The following PAK3 variants were observed in gnomAD, a reference collection of about 807,000 sequenced individuals.
PAK3 encodes p21 (RAC1) activated kinase 3, also known as serine/threonine-protein kinase PAK 3.
PAK3 carries 4 observed loss-of-function variants against 41.0 expected under a neutral mutation model. The observed-to-expected ratio is 0.10, with a 90% CI of 0.05 to 0.22. The LOEUF (loss-of-function observed/expected upper bound fraction) is 0.22, where lower values mean the gene tolerates loss of function less well. Among genes scored for constraint, PAK3 ranks in the 10% least tolerant of loss-of-function variants. The probability of loss-of-function intolerance (pLI) is 1.00; values close to 1 mark genes in which losing one functional copy is unlikely to be tolerated. For synonymous variants in PAK3, 146 were observed against 139.6 expected (o/e 1.05, Z -0.32); for missense variants, 205 against 409.9 (o/e 0.50, Z 4.32).
intron 1 of PAK3, among the ~76,000 whole-genome samples, chrX:110,965,364 C>T (rs2091060632): frequency 8.9e-6 from 1 of 112,343 alleles, no homozygotes; most frequent in Non-Finnish European, 1.9e-5. Context: ...TCTCCAAGCT[C>T]CTCTTCTCTG....
chrX:111,049,169 G>T (rs1450913000), intron 1 of PAK3, among the ~76,000 whole-genome samples: 3 of 111,683 alleles, frequency 2.7e-5, no homozygotes, highest in Non-Finnish European at 5.6e-5. Flanking sequence ...GCTTCTTCTT[G>T]CCCTTTAGGT....
intron 1 of PAK3, among the ~76,000 whole-genome samples, chrX:110,959,235 A>C (rs1486512644): frequency 9.0e-6 from 1 of 111,383 alleles, no homozygotes; most frequent in Non-Finnish European, 1.9e-5. Flanking sequence ...CTCTGGAACA[A>C]CTTCACTCCA....
intron 1 of PAK3, among the ~76,000 whole-genome samples, chrX:111,063,879 A>G (rs2092679948): frequency 9.0e-6 from 1 of 110,898 alleles, no homozygotes; most frequent in Non-Finnish European, 1.9e-5. Context: ...TATATTCCTC[A>G]ATATTGAGGC....
At chrX:110,960,405 C>T (rs180750095) in intron 1 of PAK3, among the ~76,000 whole-genome samples, 1 of 111,895 alleles carries the variant, frequency 8.9e-6, no homozygotes, top group African/African-American at 3.3e-5. Flanking sequence ...ACAAGAATAG[C>T]CTTCACTGAG....
At chrX:111,023,226 CT>C (rs1273063495) in intron 1 of PAK3, among the ~76,000 whole-genome samples, 4 of 111,777 alleles carry the variant, frequency 3.6e-5, no homozygotes, top group Admixed American at 9.5e-5. Context: ...TGAACTCATC[CT>C]TTTTTATGGC....
intron 16 of PAK3, among the ~76,000 whole-genome samples, chrX:111,198,781 GT>G (rs926609548): frequency 9.0e-6 from 1 of 110,725 alleles, no homozygotes; most frequent in African/African-American, 3.3e-5. Context: ...CATCTTTGTT[GT>G]TTTTGCTTGG....
chrX:111,191,509 T>C (rs749897821), intron 11 of PAK3, among the ~76,000 whole-genome samples: 2 of 112,060 alleles, frequency 1.8e-5, no homozygotes, highest in African/African-American at 3.2e-5. Context: ...TAAAGTCATG[T>C]TGCTATTGCT....
chrX:111,122,021 G>A (rs780186794), intron 4 of PAK3, among the ~76,000 whole-genome samples: 2 of 110,048 alleles, frequency 1.8e-5, no homozygotes, highest in East Asian at 2.9e-4. Flanking sequence ...TTGGGAGGCC[G>A]AGGCAGGTGG....
At chrX:111,004,284 TAG>T (rs1277086641) in intron 1 of PAK3, among the ~76,000 whole-genome samples, 3 of 111,146 alleles carry the variant, frequency 2.7e-5, no homozygotes, top group African/African-American at 9.8e-5. Flanking sequence ...CGGCAAGGGA[TAG>T]AGAGAGTTAA....
intron 5 of PAK3, among the ~76,000 whole-genome samples, chrX:111,124,349 G>C (rs140379450): frequency 0.076 from 8,479 of 111,868 alleles, 546 homozygotes; most frequent in African/African-American, 0.21. Flanking sequence ...TATGCAAGAG[G>C]AATTTTCAGA....
intron 1 of PAK3, among the ~76,000 whole-genome samples, chrX:111,079,128 C>A (rs2092812040): frequency 8.9e-6 from 1 of 111,879 alleles, no homozygotes; most frequent in African/African-American, 3.2e-5. Flanking sequence ...GAAGCTGCAG[C>A]AAGTTACCCA....
chrX:111,187,615 C>A (rs1365210374), intron 11 of PAK3, among the ~76,000 whole-genome samples: 1 of 111,057 alleles, frequency 9.0e-6, no homozygotes, highest in Non-Finnish European at 1.9e-5. Flanking sequence ...AAGTTGAGAT[C>A]TCTTGAAGGA....
chrX:111,014,078 C>A (rs1227105276), intron 1 of PAK3, among the ~76,000 whole-genome samples: 2 of 112,206 alleles, frequency 1.8e-5, no homozygotes, highest in Non-Finnish European at 1.9e-5. Flanking sequence ...CCTTTGCTAA[C>A]CACTCCCACT....
chrX:111,116,451 T>G (rs1242420685), intron 4 of PAK3, among the ~76,000 whole-genome samples: 1 of 112,002 alleles, frequency 8.9e-6, no homozygotes, highest in Non-Finnish European at 1.9e-5. Context: ...CATTAGCTCA[T>G]GAAGCACACA....
intron 8 of PAK3, chrX:111,152,660 T>C (rs966629190): frequency 2.7e-5 from 9 of 330,535 alleles, no homozygotes; most frequent in Non-Finnish European, 4.3e-5. Context: ...ACAATTGAGT[T>C]TTAGAACAAG....
rs769465614 is a variant in PAK3 at position 111,215,242 on chromosome X, C to T, written c.1408-1179C>T. Among the ~76,000 whole-genome samples the T allele has an allele frequency of 7.2e-5, 8 of 111,778 alleles. No individual in the cohort carries two copies. In the South Asian group the frequency reaches 2.3e-3, roughly 32 times the overall value. On this transcript the variant is annotated intron_variant, in intron 16 of 17. Coordinates refer to ENST00000372007, the MANE Select transcript of PAK3 (RefSeq NM_002578.5). ...TGAATTGTTTGCTTAGAGGGGGGATCAGTAATGGCCAGCTTTCTTGTATCA... is the reference window on the plus strand; with the variant it reads ...TGAATTGTTTGCTTAGAGGGGGGATTAGTAATGGCCAGCTTTCTTGTATCA...
chrX:110,975,948 C>G lies in PAK3; in HGVS notation c.-28+31320C>G, dbSNP rs769089928. 8.0e-5 allele frequency among the ~76,000 whole-genome samples: 9 copies of G among 111,823 alleles called. No homozygotes were observed. In the East Asian group the frequency reaches 2.0e-3, roughly 24 times the overall value. ...CTGGATCCCTTCCTTACACCTTATACAAAAATTAATACAAGATGGATTAAA... is the reference window on the plus strand; with the variant it reads ...CTGGATCCCTTCCTTACACCTTATAGAAAAATTAATACAAGATGGATTAAA... On this transcript the variant is annotated intron_variant, in intron 1 of 14. Transcript: ENST00000425146.
At chrX:111,186,757 C>G (rs920238651) in intron 11 of PAK3, among the ~76,000 whole-genome samples, 1 of 112,044 alleles carries the variant, frequency 8.9e-6, no homozygotes, top group Admixed American at 9.5e-5. Flanking sequence ...CTACCATTGA[C>G]TTTCTTCACA....
At chrX:111,215,472 G>A (rs773509327) in intron 16 of PAK3, among the ~76,000 whole-genome samples, 17 of 111,105 alleles carry the variant, frequency 1.5e-4, no homozygotes, top group Non-Finnish European at 2.6e-4. Context: ...CCAGGAAGGC[G>A]GAGGTTGCAG....
Sources: allele counts gnomAD v4.1 joint callset (sites outside exome capture counted in the v4.1 genomes callset), GRCh38; gene constraint gnomAD v4.1.1; transcripts MANE v1.5; gene names NCBI Gene and HGNC (gene_info 2026-07-23, HGNC 2026-07-21).